RTF1: variants seen among roughly 807,000 people sequenced by gnomAD.
RTF1 encodes RNA polymerase-associated protein RTF1 homolog.
Under a neutral mutation model 95.7 loss-of-function variants are expected in RTF1, and 10 were observed. The ratio of observed to expected loss-of-function variants is 0.10; its 90% confidence interval spans 0.06 to 0.18. RTF1 has a LOEUF of 0.18. Among genes scored for constraint, RTF1 ranks in the 10% least tolerant of loss-of-function variants. RTF1 has a pLI of 1.00. For missense variants in RTF1, 458 were observed against 875.6 expected, an observed-to-expected ratio of 0.52 and a Z score of 6.02; for synonymous variants, 305 against 311.8, an observed-to-expected ratio of 0.98 and a Z score of 0.23.
chr15:41,480,491 C>A, intron 17 of RTF1, 90 bp from the exon 18 acceptor site: 1 of 1,060,278 alleles, frequency 9.4e-7, no homozygotes, highest in Non-Finnish European at 1.5e-6. Context: ...GGAACAGGGC[C>A]ACAGTCAGGA....
intron 1 of RTF1, among the ~76,000 whole-genome samples, chr15:41,426,680 A>C (rs2140945527): frequency 8.6e-5 from 1 of 11,684 alleles, no homozygotes; most frequent in Non-Finnish European, 1.4e-4. Context: ...ACCTCAGGTG[A>C]TCCACCCCGC....
intron 1 of RTF1, among the ~76,000 whole-genome samples, chr15:41,434,262 C>T (rs538268160): frequency 2.0e-4 from 30 of 151,616 alleles, no homozygotes; most frequent in African/African-American, 6.8e-4. Context: ...GGATTATAGG[C>T]GTGAACCACT....
chr15:41,464,740 G>T (rs775952738), intron 4 of RTF1, 31 bp from the exon 5 acceptor site: 3 of 1,492,942 alleles, frequency 2.0e-6, no homozygotes, highest in Non-Finnish European at 2.7e-6. Context: ...ACATTTCATT[G>T]CTACTTAAAA....
chr15:41,474,737 C>G (rs1264099046), intron 9 of RTF1, 35 bp downstream of exon 9: 3 of 1,474,826 alleles, frequency 2.0e-6, no homozygotes, highest in Non-Finnish European at 2.8e-6. Flanking sequence ...TCTGCTTCCA[C>G]TTCAAACAGG....
chr15:41,431,450 C>T (rs981975854), intron 1 of RTF1, among the ~76,000 whole-genome samples: 5 of 151,800 alleles, frequency 3.3e-5, no homozygotes, highest in East Asian at 1.9e-4. Context: ...CTGCTGACCT[C>T]GTGATCCACC....
chr15:41,474,793 T>C (rs987708342), intron 9 of RTF1, 91 bp downstream of exon 9: 37 of 920,892 alleles, frequency 4.0e-5, no homozygotes, highest in Non-Finnish European at 6.5e-5. Flanking sequence ...TGTTCCTTGT[T>C]ACCATGAACG....
chr15:41,433,127 AG>A (rs1231114488), intron 1 of RTF1, among the ~76,000 whole-genome samples: 20 of 151,936 alleles, frequency 1.3e-4, no homozygotes, highest in African/African-American at 3.9e-4. Context: ...GTGCACCTAT[AG>A]TCCCAGCTAC....
At chr15:41,461,747 C>T (rs2140962639) in intron 4 of RTF1, among the ~76,000 whole-genome samples, 1 of 151,970 alleles carries the variant, frequency 6.6e-6, no homozygotes, top group East Asian at 1.9e-4. Context: ...CCTTGGCCTC[C>T]CAAAGTGCTG....
intron 3 of RTF1, among the ~76,000 whole-genome samples, chr15:41,456,725 G>A (rs2050819529): frequency 6.6e-6 from 1 of 151,932 alleles, no homozygotes; most frequent in Non-Finnish European, 1.5e-5. Flanking sequence ...GGGAGGTGGA[G>A]ATGGCAGTGA....
chr15:41,483,397 A>T lies in RTF1; in HGVS notation c.*2710A>T, dbSNP rs1392031605. 6.6e-6 allele frequency: 1 copy of T among 152,580 alleles called. No homozygotes were observed. The allele number at this position is 152,580 out of a possible 1,614,324, so 9.5% of individuals were successfully genotyped here. Reference sequence around the variant, plus strand: ...AGGCCAGTGTCCATCTGCCTAGTTCATAATGTTTATAGGTCTGTTTGTCTG... The same window carrying T: ...AGGCCAGTGTCCATCTGCCTAGTTCTTAATGTTTATAGGTCTGTTTGTCTG... On this transcript the variant is annotated 3_prime_UTR_variant, in exon 18 of 18. Transcript: ENST00000389629.
At chr15:41,424,572 A>G (rs1405953156) in intron 1 of RTF1, among the ~76,000 whole-genome samples, 1 of 152,252 alleles carries the variant, frequency 6.6e-6, no homozygotes, top group Non-Finnish European at 1.5e-5. Context: ...CTCAGCAGTA[A>G]AAATAAAATT....
At chr15:41,462,345 G>A (rs905018584) in intron 4 of RTF1, among the ~76,000 whole-genome samples, 4 of 152,046 alleles carry the variant, frequency 2.6e-5, no homozygotes, top group African/African-American at 9.7e-5. Flanking sequence ...TATTCATGGG[G>A]GCAGGAAGCA....
intron 2 of RTF1, among the ~76,000 whole-genome samples, chr15:41,446,346 G>A (rs947285134): frequency 3.9e-5 from 6 of 152,042 alleles, no homozygotes; most frequent in South Asian, 4.2e-4. Context: ...TGAGGCGGGC[G>A]GATCACGAGG....
At chr15:41,454,392 T>TA (rs1188096803) in intron 3 of RTF1, among the ~76,000 whole-genome samples, 3 of 151,976 alleles carry the variant, frequency 2.0e-5, no homozygotes, top group East Asian at 1.9e-4. Context: ...CACCCGGCCA[T>TA]AAAAAAATTT....
At chr15:41,422,298 A>G (rs929187177) in intron 1 of RTF1, among the ~76,000 whole-genome samples, 1 of 152,042 alleles carries the variant, frequency 6.6e-6, no homozygotes, top group Non-Finnish European at 1.5e-5. Context: ...TAACCTTTGA[A>G]AGTTTTTAAA....
At chr15:41,479,864 CAAAAA>C (rs72095200) in intron 16 of RTF1, among the ~76,000 whole-genome samples, 1 of 86,042 alleles carries the variant, frequency 1.2e-5, no homozygotes, top group Admixed American at 1.3e-4. Flanking sequence ...ACTCCCACCT[CAAAAA>C]AAAAAAAAAA....
intron 1 of RTF1, among the ~76,000 whole-genome samples, chr15:41,425,736 T>C (rs1456914120): frequency 2.6e-5 from 4 of 152,180 alleles, no homozygotes; most frequent in East Asian, 1.9e-4. Context: ...ATGGTTGTTA[T>C]AGAGATGACA....
intron 3 of RTF1, among the ~76,000 whole-genome samples, chr15:41,454,283 G>C (rs1049680385): frequency 2.0e-5 from 3 of 151,900 alleles, no homozygotes; most frequent in African/African-American, 7.3e-5. Context: ...TAGAGATGGG[G>C]TTTCACCATG....
intron 1 of RTF1, among the ~76,000 whole-genome samples, chr15:41,431,593 A>G (rs1019406996): frequency 6.6e-6 from 1 of 152,022 alleles, no homozygotes; most frequent in African/African-American, 2.4e-5. Flanking sequence ...TCAACCACCC[A>G]GACTCAAAAC....
Sources: gnomAD v4.1 joint callset for allele counts (sites outside exome capture counted in the v4.1 genomes callset) on GRCh38, gnomAD v4.1.1 for gene constraint, MANE v1.5 for transcripts, NCBI Gene and HGNC (gene_info 2026-07-23, HGNC 2026-07-21) for gene names.